MGAM2: variants seen among roughly 807,000 people sequenced by gnomAD.
MGAM2 encodes probable maltase-glucoamylase 2.
In MGAM2, 98 loss-of-function variants were observed where a neutral mutation model predicts 96.1. The ratio of observed to expected loss-of-function variants is 1.02; its 90% CI spans 0.87 to 1.21. MGAM2 has a LOEUF of 1.21. MGAM2 is among the 50% of genes most tolerant of loss of function. The pLI, the probability that MGAM2 is intolerant of heterozygous loss-of-function variation, is 0.00. For missense variants in MGAM2, 2,055 were observed against 1,182.4 expected (o/e 1.74, Z -10.82); for synonymous variants, 749 against 414.8 (o/e 1.81, Z -9.79).
intron 32 of MGAM2, among the ~76,000 whole-genome samples, chr7:142,182,518 T>C (rs1336838805): frequency 6.6e-6 from 1 of 152,224 alleles, no homozygotes; most frequent in African/African-American, 2.4e-5. Context: ...GGTCGTGTTT[T>C]GCTGCAGATG....
At chr7:142,214,834 T>C (rs772351597) in intron 46 of MGAM2, among the ~76,000 whole-genome samples, 55 of 152,168 alleles carry the variant, frequency 3.6e-4, no homozygotes, top group Non-Finnish European at 6.5e-4. Flanking sequence ...GAAATAGGAA[T>C]GCTTTTACAC....
chr7:142,167,168 C>T lies in MGAM2; in HGVS notation c.2809-100C>T, dbSNP rs118117354. The stretch of plus-strand genomic sequence containing the variant: ...ACACAATTCAACCCATAACCATGGA[C>T]ATGGTATTAGAGACTTAGTCTGTGT... On this transcript the variant is annotated intron_variant, in intron 25 of 47. Transcript: ENST00000477922. The T allele has an allele frequency of 6.8e-3, 4,072 of 596,298 alleles. 20 individuals carry two copies. The highest frequency in any genetic ancestry group is 9.8e-3 in the Non-Finnish European group (3,270 of 333,748). 36.9% of individuals were successfully genotyped at this position (596,298 alleles called of 1,614,324 possible). A position where few individuals can be genotyped will look rare whatever the true frequency, so the allele number is the denominator to read the frequency against.
At chr7:142,160,501 A>G (rs543212453) in intron 21 of MGAM2, among the ~76,000 whole-genome samples, 2 of 152,234 alleles carry the variant, frequency 1.3e-5, no homozygotes, top group Non-Finnish European at 2.9e-5. Context: ...TTATAGGACT[A>G]GTCAAAGTAA....
At chr7:142,200,023 G>A (rs1797174822) in intron 45 of MGAM2, 55 bp downstream of exon 45, 2 of 607,716 alleles carry the variant, frequency 3.3e-6, no homozygotes, top group Non-Finnish European at 5.9e-6. Flanking sequence ...TCATACCATA[G>A]AGGCTCGGCA....
intron 15 of MGAM2, among the ~76,000 whole-genome samples, chr7:142,147,800 A>T (rs1183562437): frequency 6.6e-6 from 1 of 152,224 alleles, no homozygotes; most frequent in African/African-American, 2.4e-5. Context: ...TTTCAAGGAT[A>T]CTAGCAGGCA....
chr7:142,205,012 T>C (rs1237071745), intron 45 of MGAM2, among the ~76,000 whole-genome samples: 1 of 152,116 alleles, frequency 6.6e-6, no homozygotes, highest in East Asian at 1.9e-4. Flanking sequence ...ATATTTTTTC[T>C]CAAATTAAGC....
chr7:142,147,595 T>C (rs928667175), intron 15 of MGAM2, 22 bp downstream of exon 15: 5 of 695,968 alleles, frequency 7.2e-6, no homozygotes, highest in Non-Finnish European at 1.3e-5. Flanking sequence ...GTTTTCACCC[T>C]AATTCCAGAT....
chr7:142,171,537 T>C, intron 28 of MGAM2, 97 bp downstream of exon 28: 2 of 586,942 alleles, frequency 3.4e-6, no homozygotes, highest in Non-Finnish European at 6.2e-6. Context: ...ATCAACCTCA[T>C]CTTATATTGA....
chr7:142,167,196 A>C (rs1796053574), intron 25 of MGAM2, 72 bp from the exon 26 acceptor site: 1 of 619,398 alleles, frequency 1.6e-6, no homozygotes, highest in Non-Finnish European at 2.9e-6. Flanking sequence ...GTCTGTGTTA[A>C]CCAACTTCTT....
At position 142,129,825 on chromosome 7, in the gene MGAM2, C is replaced by CAAAAAAAAAAAAAAAAAAAAAAAAAA. The variant is rs71166564; in HGVS notation, c.187-1108_187-1083dup. On this transcript the variant is annotated intron_variant, in intron 3 of 47. Transcript: ENST00000477922. ...GGGCAACAAGAACAAAACTCTGTCT[C>CAAAAAAAAAAAAAAAAAAAAAAAAAA]AAAAAAAAAAAAAAAAAAAAAAAAA... 3.9e-4 allele frequency among the ~76,000 whole-genome samples: 13 copies of CAAAAAAAAAAAAAAAAAAAAAAAAAA among 33,418 alleles called. 3 individuals carry two copies. The highest frequency in any genetic ancestry group is 4.7e-4 in the Non-Finnish European group (9 of 19,100). 21.9% of individuals were successfully genotyped at this position (33,418 alleles called of 152,430 possible).
At chr7:142,189,609 G>A (rs186134482) in intron 37 of MGAM2, 104 bp downstream of exon 37, 6 of 492,050 alleles carry the variant, frequency 1.2e-5, no homozygotes, top group South Asian at 1.0e-4. Context: ...GAGTTAAATG[G>A]GTTAAAGTCA....
At chr7:142,203,409 T>C (rs957672861) in intron 45 of MGAM2, among the ~76,000 whole-genome samples, 1 of 152,144 alleles carries the variant, frequency 6.6e-6, no homozygotes, top group African/African-American at 2.4e-5. Flanking sequence ...TCCATGCTCA[T>C]GGATTTGAGG....
At chr7:142,131,737 T>C in intron 5 of MGAM2, 110 bp downstream of exon 5, 1 of 631,654 alleles carries the variant, frequency 1.6e-6, no homozygotes, top group South Asian at 1.8e-5. Context: ...CAGGAATCTC[T>C]GGATGGCATG....
chr7:142,166,299 G>A, intron 25 of MGAM2, 46 bp downstream of exon 25: 2 of 653,370 alleles, frequency 3.1e-6, no homozygotes. Context: ...GAAGTAATTA[G>A]GCACCTAGAA....
rs1794903504 is a variant in MGAM2, at chr7:142,132,015, A to G, written c.505A>G (p.Ser169Gly). 1.4e-6 allele frequency: 1 copy of G among 703,112 alleles called. No individual in the cohort carries two copies. Among genetic ancestry groups the G allele is most frequent in the Non-Finnish European group, 2.6e-6 (1 of 385,034 alleles). The allele number at this position is 703,112 out of a possible 1,614,324, so 43.6% of individuals were successfully genotyped here. ...TGGGATTGCTGATGCCTCCAATTTG[A>G]GCTATTACGTGGAGGTTACTGATAA... ...VDGIADASNL[S>G]YYVEVTDKPF... Residue 169 changes from serine (S) to glycine (G), a missense_variant, in exon 6 of 48, where the codon AGC (serine) becomes GGC (glycine). Coordinates refer to ENST00000477922, the MANE Select transcript of MGAM2 (RefSeq NM_001293626.2).
chr7:142,114,203 A>AAAG (rs1563242731), intron 1 of MGAM2, among the ~76,000 whole-genome samples: 1 of 98,456 alleles, frequency 1.0e-5, no homozygotes, highest in East Asian at 2.1e-4. Flanking sequence ...AGAAAGAAAG[A>AAAG]AAGAAAGAAA....
rs551718644 is a variant in MGAM2 at position 142,120,382 on chromosome 7, G to C, written c.186+1G>C. ...CACACCTGACCAGGAGGTGACCGAG[G>C]TCAGAGAAATAAGGTCCCTTTTGGT... On this transcript the variant is annotated splice_donor_variant, in intron 3 of 47. Coordinates refer to ENST00000477922, the MANE Select transcript of MGAM2 (RefSeq NM_001293626.2). LOFTEE classifies it high-confidence loss of function. 1.4e-6 allele frequency: 1 copy of C among 702,716 alleles called. No individual in the cohort carries two copies. The highest frequency in any genetic ancestry group is 1.7e-5 in the African/African-American group (1 of 57,222). 43.5% of individuals were successfully genotyped at this position (702,716 alleles called of 1,614,324 possible).
rs1052611580 is a variant in MGAM2 at position 142,161,937 on chromosome 7, C to A, written c.2435-18C>A. ...GATTGGCTTCCCATAGTAACCGGTA[C>A]TCCTCTTTCTTTTTTAGATGCTGTG... On this transcript the variant is annotated intron_variant, in intron 22 of 47. Transcript: ENST00000477922. The A allele has an allele frequency of 5.8e-6, 4 of 687,776 alleles. No individual in the cohort carries two copies. The highest frequency in any genetic ancestry group is 2.1e-5 in the Admixed American group (1 of 47,128). 42.6% of individuals were successfully genotyped at this position (687,776 alleles called of 1,614,324 possible). A position where few individuals can be genotyped will look rare whatever the true frequency, so the allele number is the denominator to read the frequency against.
intron 27 of MGAM2, 142 bp from the exon 28 acceptor site, chr7:142,171,130 T>C (rs1323073131): frequency 1.5e-6 from 1 of 687,188 alleles, no homozygotes; most frequent in African/African-American, 1.8e-5. Context: ...TGTTATGACC[T>C]GGGTCATGTC....
Sources: allele counts gnomAD v4.1 joint callset (sites outside exome capture counted in the v4.1 genomes callset), GRCh38; gene constraint gnomAD v4.1.1; transcripts MANE v1.5; gene names NCBI Gene and HGNC (gene_info 2026-07-23, HGNC 2026-07-21).